Variants in CREB3L2 observed in about 807,000 individuals in gnomAD.
The protein encoded by CREB3L2 is cAMP responsive element binding protein 3 like 2, also known as cyclic AMP-responsive element-binding protein 3-like protein 2.
In CREB3L2, 23 loss-of-function variants were observed where a neutral mutation model predicts 57.2. The ratio of observed to expected loss-of-function variants is 0.40; its 90% CI spans 0.29 to 0.57. The LOEUF (loss-of-function observed/expected upper bound fraction) is 0.57. Among genes scored for constraint, CREB3L2 ranks in the 20% least tolerant of loss-of-function variants. The pLI, the probability that CREB3L2 is intolerant of heterozygous loss-of-function variation, is 0.42. For synonymous variants in CREB3L2, 268 were observed against 265.1 expected (o/e 1.01, Z -0.11); for missense variants, 628 against 634.7 (o/e 0.99, Z 0.11).
chr7:137,882,746 A>T (rs1477892246), intron 10 of CREB3L2, 118 bp from the exon 11 acceptor site: 1 of 649,312 alleles, frequency 1.5e-6, no homozygotes. Flanking sequence ...CTCGTTGCCC[A>T]GAACCATGGG....
chr7:137,885,577 A>G, intron 8 of CREB3L2, 75 bp from the exon 9 acceptor site: 1 of 1,206,366 alleles, frequency 8.3e-7, no homozygotes, highest in Non-Finnish European at 1.2e-6. Context: ...ATGTGACCCA[A>G]GAAGGCCGCC....
At chr7:137,975,145 T>C (rs956324061) in intron 1 of CREB3L2, among the ~76,000 whole-genome samples, 3 of 152,176 alleles carry the variant, frequency 2.0e-5, no homozygotes, top group Non-Finnish European at 4.4e-5. Flanking sequence ...CTTTAAAAGA[T>C]GAAAGGGCAT....
At chr7:137,967,598 T>C (rs956730420) in intron 1 of CREB3L2, among the ~76,000 whole-genome samples, 1 of 152,174 alleles carries the variant, frequency 6.6e-6, no homozygotes, top group Non-Finnish European at 1.5e-5. Flanking sequence ...GCCCTTGCTA[T>C]TGATTTGAAC....
intron 1 of CREB3L2, among the ~76,000 whole-genome samples, chr7:137,946,808 A>ATATATAGTTATC (rs543473540): frequency 1.4e-5 from 1 of 70,134 alleles, no homozygotes; most frequent in African/African-American, 6.2e-5. Context: ...ATATAGTTAT[A>ATATATAGTTATC]TATAGTTATC....
At chr7:137,984,888 C>T (rs1421310501) in intron 1 of CREB3L2, among the ~76,000 whole-genome samples, 1 of 152,214 alleles carries the variant, frequency 6.6e-6, no homozygotes, top group Non-Finnish European at 1.5e-5. Flanking sequence ...TCTACAGTAA[C>T]GTAGCCCAGT....
chr7:137,900,765 C>T (rs1799736344), intron 8 of CREB3L2, among the ~76,000 whole-genome samples: 1 of 152,028 alleles, frequency 6.6e-6, no homozygotes, highest in Admixed American at 6.6e-5. Flanking sequence ...TATCATGCCA[C>T]TGCATTCCAG....
chr7:137,957,779 G>A (rs1206634796), intron 1 of CREB3L2: 9 of 1,288,670 alleles, frequency 7.0e-6, no homozygotes, highest in Non-Finnish European at 9.1e-6. Flanking sequence ...TACAAGAAGA[G>A]TGGTAAATGC....
intron 1 of CREB3L2, among the ~76,000 whole-genome samples, chr7:137,983,587 T>C (rs529535205): frequency 1.3e-5 from 2 of 152,350 alleles, no homozygotes; most frequent in African/African-American, 4.8e-5. Context: ...TCTCACTTAG[T>C]ATTTTTACAC....
intron 2 of CREB3L2, among the ~76,000 whole-genome samples, chr7:137,927,410 AG>A (rs1406558236): frequency 9.0e-5 from 12 of 132,906 alleles, no homozygotes; most frequent in African/African-American, 3.5e-4. Flanking sequence ...AAGGAAGGGA[AG>A]GGAAGGGAAG....
chr7:137,935,951 T>C, intron 1 of CREB3L2: 2 of 979,668 alleles, frequency 2.0e-6, no homozygotes, highest in Non-Finnish European at 1.2e-6. Flanking sequence ...GAGTGGTTTA[T>C]GATCTGGGCC....
intron 1 of CREB3L2, among the ~76,000 whole-genome samples, chr7:137,976,202 T>C (rs1356438688): frequency 6.6e-6 from 1 of 152,264 alleles, no homozygotes; most frequent in East Asian, 1.9e-4. Context: ...TTGGACCTCC[T>C]TGGGGTCCCT....
chr7:137,927,401 A>AGGAAG (rs147018896), intron 2 of CREB3L2, among the ~76,000 whole-genome samples: 2 of 136,788 alleles, frequency 1.5e-5, no homozygotes, highest in African/African-American at 2.8e-5. Flanking sequence ...GAAGGAGGGA[A>AGGAAG]GGAAGGGAAG....
intron 8 of CREB3L2, among the ~76,000 whole-genome samples, chr7:137,888,512 C>A (rs1007187504): frequency 1.3e-5 from 2 of 152,044 alleles, no homozygotes; most frequent in African/African-American, 4.8e-5. Context: ...ATTCTCACAG[C>A]GAGATTTCAC....
At chr7:137,973,243 T>C (rs958822316) in intron 1 of CREB3L2, among the ~76,000 whole-genome samples, 5 of 151,596 alleles carry the variant, frequency 3.3e-5, no homozygotes, top group Non-Finnish European at 5.9e-5. Flanking sequence ...CAACTAACGA[T>C]GACCTTAATC....
intron 1 of CREB3L2, among the ~76,000 whole-genome samples, chr7:137,954,282 T>C (rs1420065553): frequency 6.6e-6 from 1 of 152,008 alleles, no homozygotes; most frequent in Non-Finnish European, 1.5e-5. Context: ...GTGTATTATT[T>C]TTCCTGAAAA....
chr7:137,984,274 A>G (rs1340334245), intron 1 of CREB3L2, among the ~76,000 whole-genome samples: 3 of 152,224 alleles, frequency 2.0e-5, no homozygotes, highest in Non-Finnish European at 2.9e-5. Context: ...GCAAGTATTA[A>G]GCTAACACAC....
At chr7:137,903,922 C>A (rs1292514446) in intron 7 of CREB3L2, 37 bp downstream of exon 7, 1 of 1,565,590 alleles carries the variant, frequency 6.4e-7, no homozygotes, top group East Asian at 2.2e-5. Context: ...CCTGTGCATA[C>A]TGCCCGATGA....
chr7:137,979,864 G>A (rs1015847360), intron 1 of CREB3L2, among the ~76,000 whole-genome samples: 1 of 152,178 alleles, frequency 6.6e-6, no homozygotes, highest in African/African-American at 2.4e-5. Flanking sequence ...GGAGACAGCA[G>A]GGAGCCTGAC....
At chr7:137,901,609 G>A (rs1157165404) in intron 7 of CREB3L2, among the ~76,000 whole-genome samples, 187 bp from the exon 8 acceptor site, 10 of 151,426 alleles carry the variant, frequency 6.6e-5, no homozygotes, top group African/African-American at 2.4e-4. Context: ...GGCCGGGCAC[G>A]GTGGCTCACG....
Sources: allele counts gnomAD v4.1 joint callset (sites outside exome capture counted in the v4.1 genomes callset), GRCh38; gene constraint gnomAD v4.1.1; transcripts MANE v1.5; gene names NCBI Gene and HGNC (gene_info 2026-07-23, HGNC 2026-07-21).